The following TNNI3K variants were observed in gnomAD, a reference collection of about 807,000 sequenced individuals.
TNNI3K encodes TNNI3 interacting kinase.
Under a neutral mutation model 114.5 loss-of-function variants are expected in TNNI3K, and 140 were observed. The ratio of observed to expected loss-of-function variants is 1.22; its 90% CI spans 1.07 to 1.41. The LOEUF (loss-of-function observed/expected upper bound fraction) is 1.41, where lower values mean the gene tolerates loss of function less well. Among genes scored for constraint, TNNI3K ranks in the 40% most tolerant of loss-of-function variants. The pLI is 0.00. For synonymous variants in TNNI3K, 347 were observed against 347.5 expected (o/e 1.00, Z 0.02); for missense variants, 1,125 against 1,007.6 (o/e 1.12, Z -1.58).
At chr1:74,294,154 G>A (rs1407859574) in intron 5 of TNNI3K, among the ~76,000 whole-genome samples, 2 of 151,656 alleles carry the variant, frequency 1.3e-5, no homozygotes, top group African/African-American at 4.8e-5. Flanking sequence ...TGTTTTGATA[G>A]ATTCTTGATA....
chr1:74,358,078 CAGTT>C, intron 11 of TNNI3K, among the ~76,000 whole-genome samples: 1 of 152,188 alleles, frequency 6.6e-6, no homozygotes, highest in Admixed American at 6.5e-5. Flanking sequence ...GTGTGTCTGG[CAGTT>C]AGATTTGAAA....
At chr1:74,457,774 C>T (rs1396234430) in intron 20 of TNNI3K, among the ~76,000 whole-genome samples, 1 of 152,230 alleles carries the variant, frequency 6.6e-6, no homozygotes, top group South Asian at 2.1e-4. Flanking sequence ...CTAATACTAA[C>T]TTATCCGTAA....
chr1:74,363,891 C>T (rs1457358200), intron 11 of TNNI3K, among the ~76,000 whole-genome samples: 2 of 143,682 alleles, frequency 1.4e-5, no homozygotes, highest in Non-Finnish European at 3.0e-5. Flanking sequence ...TGGGATTAGA[C>T]AGTGTGAAGG....
chr1:74,394,368 G>A (rs545889822), intron 17 of TNNI3K, among the ~76,000 whole-genome samples: 2 of 152,134 alleles, frequency 1.3e-5, no homozygotes, highest in African/African-American at 4.8e-5. Flanking sequence ...CTTCCCTAAA[G>A]TGAATAACTC....
intron 5 of TNNI3K, among the ~76,000 whole-genome samples, chr1:74,312,446 G>A (rs905455808): frequency 5.3e-5 from 8 of 152,088 alleles, no homozygotes; most frequent in African/African-American, 1.9e-4. Flanking sequence ...GAGTGTTAAG[G>A]GCAAACAAAA....
chr1:74,420,526 C>A (rs1281544743), intron 17 of TNNI3K, among the ~76,000 whole-genome samples: 1 of 152,096 alleles, frequency 6.6e-6, no homozygotes, highest in Non-Finnish European at 1.5e-5. Flanking sequence ...TTTCTCAAAG[C>A]TTTCAAAATT....
intron 21 of TNNI3K, chr1:74,483,448 T>C (rs1668601002): frequency 1.4e-5 from 9 of 641,904 alleles, no homozygotes; most frequent in South Asian, 1.4e-4. Context: ...TACATACAGG[T>C]CATGAGGCAT....
At chr1:74,348,056 A>T (rs1016054820) in intron 9 of TNNI3K, among the ~76,000 whole-genome samples, 1 of 152,080 alleles carries the variant, frequency 6.6e-6, no homozygotes, top group Non-Finnish European at 1.5e-5. Context: ...GGTGTTTTAG[A>T]CATGAAGTCC....
At chr1:74,351,105 C>T (rs952935516) in intron 9 of TNNI3K, among the ~76,000 whole-genome samples, 15 of 151,720 alleles carry the variant, frequency 9.9e-5, no homozygotes, top group African/African-American at 3.4e-4. Flanking sequence ...TGGCTGGTAC[C>T]AGTTGTTCCT....
At position 74,260,892 on chromosome 1, in the gene TNNI3K, C is replaced by A. The variant is rs548149336; in HGVS notation, c.333+10123C>A. ...TAAATTATATACATTAACAAAAAAA[C>A]CCATCAGTTAATAGCTTAAGACAAA... On this transcript the variant is annotated intron_variant, in intron 4 of 24. Coordinates refer to ENST00000326637, the MANE Select transcript of TNNI3K (RefSeq NM_015978.3). Among the ~76,000 whole-genome samples the A allele has an allele frequency of 3.4e-4, 52 of 152,014 alleles. 1 individual carries two copies. The South Asian group carries it at 9.8e-3, about 29-fold the overall frequency.
intron 11 of TNNI3K, among the ~76,000 whole-genome samples, chr1:74,365,834 A>G (rs1359464758): frequency 6.6e-6 from 1 of 151,964 alleles, no homozygotes; most frequent in East Asian, 1.9e-4. Flanking sequence ...GATTTGAGAA[A>G]ATTAGAGATC....
At chr1:74,461,533 T>A (rs529744967) in intron 20 of TNNI3K, among the ~76,000 whole-genome samples, 1 of 151,134 alleles carries the variant, frequency 6.6e-6, no homozygotes, top group Admixed American at 6.6e-5. Context: ...AAATGCCTAA[T>A]TTTTTGTGAC....
intron 21 of TNNI3K, among the ~76,000 whole-genome samples, chr1:74,467,457 G>A (rs559392289): frequency 6.6e-6 from 1 of 151,916 alleles, no homozygotes; most frequent in African/African-American, 2.4e-5. Flanking sequence ...AAGAAGAATA[G>A]TCTATTGAAG....
intron 6 of TNNI3K, among the ~76,000 whole-genome samples, chr1:74,333,048 C>T (rs1660295075): frequency 6.7e-6 from 1 of 150,154 alleles, no homozygotes; most frequent in Non-Finnish European, 1.5e-5. Context: ...ACTCCATTTT[C>T]ACTCTTCCTC....
At chr1:74,345,319 A>G (rs897393995) in intron 9 of TNNI3K, among the ~76,000 whole-genome samples, 14 of 152,170 alleles carry the variant, frequency 9.2e-5, no homozygotes, top group African/African-American at 3.1e-4. Flanking sequence ...CATTAAGATG[A>G]CAGGATTCTT....
rs922125141 is a variant in TNNI3K, at chr1:74,342,974, C to G, written c.815C>G (p.Thr272Ser). 6.2e-7 allele frequency: 1 copy of G among 1,613,822 alleles called. No individual in the cohort carries two copies. The highest frequency in any genetic ancestry group is 8.5e-7 in the Non-Finnish European group (1 of 1,179,866). Residue 272 changes from threonine (T) to serine (S), a missense_variant, in exon 8 of 25, where the codon ACC (threonine) becomes AGC (serine). Physicochemically the swap from Thr to Ser is moderately conservative, Grantham distance 58. Transcript: ENST00000326637. The part of the protein sequence containing the change: ...QPHVVNIYGD[T>S]PLHLACYNGK... ...CATGTTGTTAATATCTATGGAGATA[C>G]CCCCTTACACCTGTGAGTATTATGT... is the stretch of plus-strand genomic sequence containing the variant.
intron 8 of TNNI3K, 39 bp downstream of exon 8, chr1:74,343,025 A>G (rs202085185): frequency 5.0e-6 from 8 of 1,613,342 alleles, no homozygotes; most frequent in Non-Finnish European, 5.9e-6. Context: ...CTCCAGGTAT[A>G]CTGCATGTAC....
chr1:74,411,883 G>C (rs1420762383), intron 17 of TNNI3K, among the ~76,000 whole-genome samples: 1 of 152,090 alleles, frequency 6.6e-6, no homozygotes, highest in Non-Finnish European at 1.5e-5. Context: ...TGTAGACATG[G>C]GAGAAGGGGC....
In TNNI3K at chr1:74,535,566, A is replaced by T. The variant is rs144042699; in HGVS notation, c.2352-4668A>T. 2.1e-3 allele frequency among the ~76,000 whole-genome samples: 326 copies of T among 152,288 alleles called. 1 individual carries two copies. Among genetic ancestry groups the T allele is most frequent in the African/African-American group, 7.4e-3 (308 of 41,568 alleles). On this transcript the variant is annotated intron_variant, in intron 23 of 24. Coordinates refer to ENST00000326637, the MANE Select transcript of TNNI3K (RefSeq NM_015978.3). Reference sequence around the variant, plus strand: ...TTGTGACCTCCAGGTAGGTTCCTGGATCCCTCTACAGCACCTGGAGCCAAG... The same window carrying T: ...TTGTGACCTCCAGGTAGGTTCCTGGTTCCCTCTACAGCACCTGGAGCCAAG...
Sources: gnomAD v4.1 joint callset for allele counts (sites outside exome capture counted in the v4.1 genomes callset) on GRCh38, gnomAD v4.1.1 for gene constraint, MANE v1.5 for transcripts, NCBI Gene and HGNC (gene_info 2026-07-23, HGNC 2026-07-21) for gene names.